The following MAGI2 variants were observed in gnomAD, a reference collection of about 807,000 sequenced individuals.
MAGI2 encodes the protein membrane-associated guanylate kinase, WW and PDZ domain-containing protein 2.
In MAGI2, 35 loss-of-function variants were observed where a neutral mutation model predicts 133.3. The observed-to-expected ratio is 0.26, with a 90% CI of 0.20 to 0.35. The LOEUF is 0.35. Ranked by LOEUF, MAGI2 falls within the 10% of genes least tolerant of loss-of-function variation. The pLI, the probability that MAGI2 is intolerant of heterozygous loss-of-function variation, is 1.00. For missense variants in MAGI2, 1,636 were observed against 1,863.4 expected (o/e 0.88, Z 2.25); for synonymous variants, 729 against 710.6 (o/e 1.03, Z -0.41).
chr7:78,996,249 A>C (rs1363493705), intron 2 of MAGI2, among the ~76,000 whole-genome samples: 1 of 151,804 alleles, frequency 6.6e-6, no homozygotes, highest in East Asian at 1.9e-4. Context: ...AAAGATAAGA[A>C]GAGCTGAGGT....
At chr7:78,057,308 T>C (rs937196679) in intron 21 of MAGI2, among the ~76,000 whole-genome samples, 2 of 152,136 alleles carry the variant, frequency 1.3e-5, no homozygotes, top group South Asian at 2.1e-4. Flanking sequence ...AATAGTGCGA[T>C]CTCCACTCGC....
chr7:78,340,051 A>C (rs539005298), intron 9 of MAGI2, among the ~76,000 whole-genome samples: 3 of 152,308 alleles, frequency 2.0e-5, no homozygotes, highest in South Asian at 4.1e-4. Flanking sequence ...AAACCACTTT[A>C]AAACCCATGG....
At chr7:79,339,555 T>C (rs1444290202) in intron 1 of MAGI2, among the ~76,000 whole-genome samples, 4 of 151,784 alleles carry the variant, frequency 2.6e-5, no homozygotes, top group African/African-American at 7.3e-5. Flanking sequence ...CCAGGGCATA[T>C]ACAATTTATT....
intron 2 of MAGI2, among the ~76,000 whole-genome samples, chr7:78,841,382 A>G (rs552439598): frequency 2.8e-4 from 42 of 152,174 alleles, no homozygotes; most frequent in African/African-American, 7.7e-4. Flanking sequence ...TCTCAGCTCA[A>G]GCAACACTGC....
intron 6 of MAGI2, among the ~76,000 whole-genome samples, chr7:78,469,516 T>G (rs1563046450): frequency 6.6e-6 from 1 of 152,160 alleles, no homozygotes; most frequent in Non-Finnish European, 1.5e-5. Flanking sequence ...TCCATACTAA[T>G]GAGACAGTAT....
At chr7:78,336,834 C>T (rs767532083) in intron 9 of MAGI2, among the ~76,000 whole-genome samples, 13 of 152,082 alleles carry the variant, frequency 8.5e-5, no homozygotes, top group African/African-American at 1.9e-4. Flanking sequence ...AGGATGCTCG[C>T]GAGTTTTTCT....
intron 1 of MAGI2, among the ~76,000 whole-genome samples, chr7:79,388,585 T>G (rs934754219): frequency 6.6e-6 from 1 of 151,676 alleles, no homozygotes; most frequent in Non-Finnish European, 1.5e-5. Context: ...ATTAAAATTA[T>G]TTTTATTTTT....
intron 2 of MAGI2, among the ~76,000 whole-genome samples, chr7:78,715,438 A>T (rs1398892466): frequency 4.6e-5 from 7 of 152,204 alleles, no homozygotes; most frequent in Non-Finnish European, 1.0e-4. Context: ...TTAAAAATTA[A>T]GGACTTTGTC....
chr7:79,453,288 C>G lies in MAGI2; in HGVS notation c.33G>C (p.Trp11Cys). The change falls in exon 1 of 22, where the codon TGG becomes TGC. Residue 11 changes from tryptophan (W) to cysteine (C), a missense_variant. Physicochemically the swap from Trp to Cys is radical, Grantham distance 215. Around this residue, in one of 5 missense-constraint regions of MAGI2, gnomAD observed 148 missense variants for 239.0 expected, o/e 0.62. Transcript: ENST00000354212. ...TGACACTCTCATGGACTTTGCTAGT[C>G]CAGTGGCTTTTCTTTTTCAAGCTTT... MSKSLKKKSH[W>C]TSKVHESVIG... 1 of 1,612,820 alleles carries G rather than the reference C, an allele frequency of 6.2e-7. No individual in the cohort carries two copies.
At chr7:78,294,329 T>C (rs1374946311) in intron 9 of MAGI2, among the ~76,000 whole-genome samples, 1 of 152,112 alleles carries the variant, frequency 6.6e-6, no homozygotes, top group African/African-American at 2.4e-5. Context: ...AGTATTAAAA[T>C]AGTTGTAAAA....
intron 2 of MAGI2, among the ~76,000 whole-genome samples, chr7:78,707,962 A>G (rs1217353235): frequency 6.6e-6 from 1 of 150,460 alleles, no homozygotes; most frequent in African/African-American, 2.4e-5. Flanking sequence ...AAATCATAAC[A>G]GATAGACTGT....
At chr7:78,766,992 CTT>C (rs5885095) in intron 2 of MAGI2, among the ~76,000 whole-genome samples, 11,209 of 143,444 alleles carry the variant, frequency 0.078, 546 homozygotes, top group East Asian at 0.24. Flanking sequence ...TAATAAAGTT[CTT>C]TTTTTTTTTT....
chr7:78,468,581 T>C (rs1182518821), intron 6 of MAGI2, among the ~76,000 whole-genome samples: 1 of 152,176 alleles, frequency 6.6e-6, no homozygotes, highest in African/African-American at 2.4e-5. Context: ...TCAACTATAT[T>C]GCACAATTAG....
intron 1 of MAGI2, among the ~76,000 whole-genome samples, chr7:79,214,399 CTCTCTCTCTATATATATATATATATATA>C (rs1487204045): frequency 5.5e-5 from 4 of 72,166 alleles, no homozygotes; most frequent in South Asian, 1.0e-3. Context: ...CTCTCTCTCT[CTCTCTCTCTATATATATATATATATATA>C]TATATATATA....
chr7:78,890,470 G>C (rs1053840963), intron 2 of MAGI2, among the ~76,000 whole-genome samples: 1 of 152,128 alleles, frequency 6.6e-6, no homozygotes. Flanking sequence ...TGACCACATA[G>C]TTGGAAGTAA....
At chr7:78,196,368 G>T (rs955856136) in intron 11 of MAGI2, among the ~76,000 whole-genome samples, 1 of 152,048 alleles carries the variant, frequency 6.6e-6, no homozygotes, top group Non-Finnish European at 1.5e-5. Flanking sequence ...TCTACTTGTT[G>T]TATTACCAGT....
At chr7:79,099,611 C>T (rs1817796418) in intron 1 of MAGI2, among the ~76,000 whole-genome samples, 1 of 151,932 alleles carries the variant, frequency 6.6e-6, no homozygotes, top group Admixed American at 6.6e-5. Context: ...GTAGTTTTTT[C>T]TTCTCACCCT....
At chr7:78,426,897 G>A (rs530903416) in intron 6 of MAGI2, among the ~76,000 whole-genome samples, 2 of 152,012 alleles carry the variant, frequency 1.3e-5, no homozygotes, top group Admixed American at 6.6e-5. Flanking sequence ...AACATATTAC[G>A]TACAAATAAA....
chr7:78,135,294 C>G, intron 16 of MAGI2, 88 bp from the exon 17 acceptor site: 1 of 1,097,530 alleles, frequency 9.1e-7, no homozygotes, highest in Non-Finnish European at 1.4e-6. Flanking sequence ...AATGAAATGT[C>G]AGAATTCCTT....
Sources: allele counts gnomAD v4.1 joint callset (sites outside exome capture counted in the v4.1 genomes callset), GRCh38; gene constraint gnomAD v4.1.1; regional missense constraint gnomAD v4.1.1; transcripts MANE v1.5; gene names NCBI Gene and HGNC (gene_info 2026-07-23, HGNC 2026-07-21).